The following NDUFA7 variants were observed in gnomAD, a reference collection of about 807,000 sequenced individuals.
NDUFA7 encodes NADH:ubiquinone oxidoreductase subunit A7, also known as NADH dehydrogenase [ubiquinone] 1 alpha subcomplex subunit 7.
A neutral mutation model predicts 14.2 loss-of-function variants in NDUFA7; 18 were observed. The ratio of observed to expected loss-of-function variants is 1.27; its 90% CI spans 0.88 to 1.88. The LOEUF is 1.88. NDUFA7 is among the 40% of genes most tolerant of loss of function. The pLI, the probability that NDUFA7 is intolerant of heterozygous loss-of-function variation, is 0.00. For missense variants in NDUFA7, 172 were observed against 147.3 expected, an observed-to-expected ratio of 1.17 and a Z score of -0.87; for synonymous variants, 75 against 62.1, an observed-to-expected ratio of 1.21 and a Z score of -0.98.
intron 2 of NDUFA7, among the ~76,000 whole-genome samples, chr19:8,317,349 T>C (rs570201760): frequency 6.6e-6 from 1 of 152,160 alleles, no homozygotes; most frequent in Non-Finnish European, 1.5e-5. Context: ...GGTGGATCAC[T>C]TGAGGTCAGG....
intron 2 of NDUFA7, 115 bp downstream of exon 2, chr19:8,320,742 G>A (rs977391494): frequency 4.8e-6 from 6 of 1,260,484 alleles, no homozygotes; most frequent in South Asian, 2.5e-5. Flanking sequence ...AGCCTGGCAG[G>A]GGACTGGTGG....
At chr19:8,309,788 G>T (rs1417568750), downstream of NDUFA7, among the ~76,000 whole-genome samples, 1 of 152,180 alleles carries the variant, frequency 6.6e-6, no homozygotes, top group Non-Finnish European at 1.5e-5. Flanking sequence ...CTGCTGAAGG[G>T]TCTGGGGCTG....
intron 2 of NDUFA7, among the ~76,000 whole-genome samples, chr19:8,319,832 T>C (rs1970279743): frequency 6.6e-6 from 1 of 152,074 alleles, no homozygotes; most frequent in Non-Finnish European, 1.5e-5. Context: ...CTGTTCCCTC[T>C]GCTCAGAATG....
chr19:8,313,060 G>A (rs1051855816), intron 3 of NDUFA7, among the ~76,000 whole-genome samples: 1 of 152,054 alleles, frequency 6.6e-6, no homozygotes, highest in East Asian at 1.9e-4. Context: ...GCCTCCCAAA[G>A]TGCTGGGATT....
chr19:8,316,757 G>A (rs1970240600), intron 2 of NDUFA7, 112 bp from the exon 3 acceptor site: 1 of 1,330,670 alleles, frequency 7.5e-7, no homozygotes. Flanking sequence ...CAGCCACTGG[G>A]ATAAGCCACA....
chr19:8,312,241 C>G (rs572987660), intron 3 of NDUFA7, among the ~76,000 whole-genome samples: 5 of 152,318 alleles, frequency 3.3e-5, no homozygotes, highest in Non-Finnish European at 7.4e-5. Context: ...GTGGAGCTCA[C>G]ACACTTCACA....
rs768307003 is a variant in NDUFA7, at chr19:8,311,471, G to A, written c.*34C>T. The A allele has an allele frequency of 3.5e-5, 54 of 1,540,062 alleles. No homozygotes were observed. The highest frequency in any genetic ancestry group is 4.7e-5 in the Non-Finnish European group (53 of 1,128,294). On this transcript the variant is annotated 3_prime_UTR_variant, in exon 4 of 4. Coordinates refer to ENST00000301457, the MANE Select transcript of NDUFA7 (RefSeq NM_005001.5). ...ATTCTCCCTGGAGGAAATCCAAGGAGGCAAAGTAGTCGGGTGGCCGTGAGG... is the reference window on the plus strand; with the variant it reads ...ATTCTCCCTGGAGGAAATCCAAGGAAGCAAAGTAGTCGGGTGGCCGTGAGG...
chr19:8,309,845 GC>G (rs1970153805), downstream of NDUFA7, among the ~76,000 whole-genome samples: 1 of 152,178 alleles, frequency 6.6e-6, no homozygotes, highest in African/African-American at 2.4e-5. Context: ...TCACTGGGTG[GC>G]TCCTGCAGCC....
downstream of NDUFA7, among the ~76,000 whole-genome samples, chr19:8,309,746 C>A: frequency 6.6e-6 from 1 of 152,162 alleles, no homozygotes. Context: ...GCGGTCTCAG[C>A]ACCCTCTTGG....
intron 2 of NDUFA7, among the ~76,000 whole-genome samples, chr19:8,317,260 G>A (rs1463269616): frequency 6.6e-6 from 1 of 152,124 alleles, no homozygotes. Flanking sequence ...GAAGCCTGAG[G>A]CCTTAAAAGA....
At chr19:8,320,790 C>A in intron 2 of NDUFA7, 67 bp downstream of exon 2, 1 of 1,589,550 alleles carries the variant, frequency 6.3e-7, no homozygotes, top group African/African-American at 1.3e-5. Context: ...TCTAAAGGAA[C>A]ACAGATTTCG....
chr19:8,312,005 C>T (rs923485170), intron 3 of NDUFA7, among the ~76,000 whole-genome samples: 1 of 152,254 alleles, frequency 6.6e-6, no homozygotes, highest in Non-Finnish European at 1.5e-5. Flanking sequence ...CTGCCTCAGA[C>T]TGGGCAAGAA....
chr19:8,318,908 T>C (rs574864215), intron 2 of NDUFA7, among the ~76,000 whole-genome samples: 5 of 150,542 alleles, frequency 3.3e-5, no homozygotes, highest in Admixed American at 6.6e-5. Context: ...GAGGCGGAGA[T>C]TGCAGTGATC....
chr19:8,316,791 C>T, intron 2 of NDUFA7, 146 bp from the exon 3 acceptor site: 1 of 909,632 alleles, frequency 1.1e-6, no homozygotes, highest in Non-Finnish European at 1.7e-6. Flanking sequence ...CCTTGGTACA[C>T]TGGCAGGGAC....
At chr19:8,316,767 A>G in intron 2 of NDUFA7, 122 bp from the exon 3 acceptor site, 10 of 1,215,070 alleles carry the variant, frequency 8.2e-6, no homozygotes, top group Non-Finnish European at 1.2e-5. Flanking sequence ...GATAAGCCAC[A>G]GGCTGGGGGT....
intron 1 of NDUFA7, 52 bp from the exon 2 acceptor site, chr19:8,320,958 G>A (rs375041365): frequency 1.5e-4 from 247 of 1,602,684 alleles, no homozygotes; most frequent in Non-Finnish European, 1.7e-4. Flanking sequence ...CAGGAGAGAG[G>A]AAAGGAGAGG....
intron 3 of NDUFA7, among the ~76,000 whole-genome samples, chr19:8,313,185 C>T (rs1360318116): frequency 1.3e-5 from 2 of 151,762 alleles, no homozygotes; most frequent in Non-Finnish European, 2.9e-5. Context: ...CTTCCCGAGT[C>T]ACTGGGATTA....
intron 2 of NDUFA7, among the ~76,000 whole-genome samples, chr19:8,317,685 C>T (rs1970251360): frequency 6.6e-6 from 1 of 152,134 alleles, no homozygotes; most frequent in South Asian, 2.1e-4. Flanking sequence ...ATATGCACTG[C>T]AGCCTGGATG....
chr19:8,313,503 T>C (rs1264160858), intron 3 of NDUFA7, among the ~76,000 whole-genome samples: 1 of 152,254 alleles, frequency 6.6e-6, no homozygotes, highest in East Asian at 1.9e-4. Flanking sequence ...GTGCTGGGAT[T>C]ACAGGCGTGA....
Sources: gnomAD v4.1 joint callset for allele counts (sites outside exome capture counted in the v4.1 genomes callset) on GRCh38, gnomAD v4.1.1 for gene constraint, MANE v1.5 for transcripts, NCBI Gene and HGNC (gene_info 2026-07-23, HGNC 2026-07-21) for gene names.